The following MTUS1 variants were observed in gnomAD, a reference collection of about 807,000 sequenced individuals.
MTUS1 encodes the protein microtubule-associated tumor suppressor 1.
Under a neutral mutation model 120.8 loss-of-function variants are expected in MTUS1, and 109 were observed. That is an observed-to-expected ratio of 0.90 (90% CI 0.77 to 1.06). The LOEUF (loss-of-function observed/expected upper bound fraction) is 1.06, where lower values mean the gene tolerates loss of function less well. Ranked by LOEUF, MTUS1 falls within the 50% of genes least tolerant of loss-of-function variation. MTUS1 has a pLI of 0.00. For synonymous variants in MTUS1, 737 were observed against 550.5 expected, an observed-to-expected ratio of 1.34 and a Z score of -4.74; for missense variants, 2,210 against 1,486.3, an observed-to-expected ratio of 1.49 and a Z score of -8.01.
intron 1 of MTUS1, among the ~76,000 whole-genome samples, chr8:17,781,413 G>T (rs1018087367): frequency 6.6e-6 from 1 of 152,122 alleles, no homozygotes; most frequent in African/African-American, 2.4e-5. Flanking sequence ...CCTGTTGTCT[G>T]CAAGTTTTGA....
chr8:17,713,954 A>G (rs919981356), intron 5 of MTUS1, among the ~76,000 whole-genome samples: 13 of 152,194 alleles, frequency 8.5e-5, no homozygotes, highest in Admixed American at 2.0e-4. Flanking sequence ...TAACCTATCC[A>G]TTCAATAGTG....
chr8:17,723,989 TCAC>T (rs774816613), intron 3 of MTUS1, 156 bp from the exon 4 acceptor site: 3 of 626,178 alleles, frequency 4.8e-6, no homozygotes, highest in Non-Finnish European at 8.2e-6. Flanking sequence ...GATGAAAGCT[TCAC>T]GCAGACATGT....
chr8:17,710,686 G>A (rs1230126526), intron 6 of MTUS1, among the ~76,000 whole-genome samples: 4 of 152,194 alleles, frequency 2.6e-5, no homozygotes, highest in Non-Finnish European at 4.4e-5. Context: ...ATCTAGAAGA[G>A]CAAACCCTTT....
intron 6 of MTUS1, chr8:17,697,796 T>C: frequency 1.1e-6 from 1 of 914,862 alleles, no homozygotes. Context: ...GAAAGATCGC[T>C]AGGGGAAATT....
chr8:17,657,675 A>AAAAT (rs1161173589), intron 8 of MTUS1, among the ~76,000 whole-genome samples: 1 of 149,844 alleles, frequency 6.7e-6, no homozygotes, highest in Non-Finnish European at 1.5e-5. Flanking sequence ...AAAAAAAAAA[A>AAAAT]AATTATCCAG....
At chr8:17,782,414 T>A (rs975637152) in intron 1 of MTUS1, among the ~76,000 whole-genome samples, 1 of 152,188 alleles carries the variant, frequency 6.6e-6, no homozygotes. Flanking sequence ...AACTATACAT[T>A]ATCTTCTGCT....
chr8:17,743,857 G>A, intron 2 of MTUS1, 58 bp from the exon 3 acceptor site: 1 of 1,448,820 alleles, frequency 6.9e-7, no homozygotes, highest in East Asian at 2.3e-5. Context: ...CCCCCCAACT[G>A]ACTGAATGGG....
intron 4 of MTUS1, among the ~76,000 whole-genome samples, chr8:17,718,777 G>C (rs1006733449): frequency 1.3e-5 from 2 of 151,768 alleles, no homozygotes; most frequent in African/African-American, 4.8e-5. Flanking sequence ...TGGCCAAAGT[G>C]TGGTTCAAGT....
Position 17,754,687 on chromosome 8 carries a change from G to C in MTUS1, c.1121C>G (p.Thr374Ser). 6.2e-7 allele frequency: 1 copy of C among 1,614,196 alleles called. No homozygotes were observed. Among genetic ancestry groups the C allele is most frequent in the South Asian group, 1.1e-5 (1 of 91,086 alleles). ...VLNPEHKVTE[T>S]EDTQMVSKGK... is the part of the protein sequence containing the mutation. Reference sequence around the variant, plus strand: ...TTTGGAGACCATTTGTGTGTCTTCAGTCTCAGTGACTTTATGCTCTGGGTT... The same window carrying C: ...TTTGGAGACCATTTGTGTGTCTTCACTCTCAGTGACTTTATGCTCTGGGTT... The change falls in exon 2 of 15, where the codon ACT becomes AGT. Residue 374 changes from threonine (T) to serine (S), a missense_variant. Transcript: ENST00000693296.
intron 8 of MTUS1, among the ~76,000 whole-genome samples, chr8:17,659,483 TC>T (rs1248258910): frequency 6.6e-6 from 1 of 151,858 alleles, no homozygotes; most frequent in Non-Finnish European, 1.5e-5. Context: ...GATCATGAGG[TC>T]AAAATATCCA....
chr8:17,715,670 A>C lies in MTUS1; in HGVS notation c.2584+97T>G, dbSNP rs192305015. Reference sequence around the variant, plus strand: ...CTCAACATATTTGTAATCATTGTTGACTATACCATAAACCTAATTGTCAAA... The same window carrying C: ...CTCAACATATTTGTAATCATTGTTGCCTATACCATAAACCTAATTGTCAAA... On this transcript the variant is annotated intron_variant, in intron 5 of 14. Transcript: ENST00000693296. 1.5e-4 allele frequency: 185 copies of C among 1,213,184 alleles called. 1 individual carries two copies. In the East Asian group the frequency reaches 2.8e-3, roughly 18 times the overall value. 75.2% of individuals were successfully genotyped at this position (1,213,184 alleles called of 1,614,324 possible).
intron 8 of MTUS1, among the ~76,000 whole-genome samples, chr8:17,661,199 A>G (rs1016455423): frequency 3.9e-5 from 6 of 152,208 alleles, no homozygotes; most frequent in Non-Finnish European, 7.3e-5. Flanking sequence ...ATCTCGTATT[A>G]GAACTTTCTA....
intron 1 of MTUS1, among the ~76,000 whole-genome samples, chr8:17,772,880 G>C (rs1194489623): frequency 1.3e-5 from 2 of 152,266 alleles, no homozygotes; most frequent in South Asian, 4.1e-4. Context: ...CCCTTGAAAA[G>C]TACTGGCATG....
At chr8:17,786,051 G>T (rs571505191) in intron 1 of MTUS1, among the ~76,000 whole-genome samples, 1 of 152,182 alleles carries the variant, frequency 6.6e-6, no homozygotes, top group South Asian at 2.1e-4. Context: ...GACACCAGAG[G>T]ATCACTTCAG....
intron 9 of MTUS1, 104 bp from the exon 10 acceptor site, chr8:17,654,770 C>T (rs986605314): frequency 3.0e-5 from 23 of 766,494 alleles, no homozygotes; most frequent in Middle Eastern, 2.3e-4. Flanking sequence ...CACAGGTAAG[C>T]GTGGGCTCTA....
At chr8:17,793,889 A>G (rs1408370212) in intron 1 of MTUS1, among the ~76,000 whole-genome samples, 1 of 152,110 alleles carries the variant, frequency 6.6e-6, no homozygotes, top group Admixed American at 6.5e-5. Context: ...CAACACAAAC[A>G]CTTACTAACA....
intron 2 of MTUS1, among the ~76,000 whole-genome samples, chr8:17,751,301 G>C (rs1036080703): frequency 6.6e-6 from 1 of 151,812 alleles, no homozygotes; most frequent in African/African-American, 2.4e-5. Flanking sequence ...CCATCTCAAA[G>C]AAAAAGAAAA....
intron 1 of MTUS1, among the ~76,000 whole-genome samples, chr8:17,766,219 T>A (rs1484956607): frequency 1.3e-5 from 2 of 152,184 alleles, no homozygotes; most frequent in Non-Finnish European, 2.9e-5. Context: ...CTTATCAGTA[T>A]CCATGCAATT....
At chr8:17,684,202 G>A in intron 7 of MTUS1, 126 bp downstream of exon 7, 1 of 693,258 alleles carries the variant, frequency 1.4e-6, no homozygotes, top group Non-Finnish European at 2.5e-6. Context: ...AAATGTAATG[G>A]GATGAATGAC....
Sources: allele counts gnomAD v4.1 joint callset (sites outside exome capture counted in the v4.1 genomes callset), GRCh38; gene constraint gnomAD v4.1.1; transcripts MANE v1.5; gene names NCBI Gene and HGNC (gene_info 2026-07-23, HGNC 2026-07-21).